DACH2: variants seen among roughly 807,000 people sequenced by gnomAD.
The protein encoded by DACH2 is dachshund homolog 2.
A neutral mutation model predicts 35.8 loss-of-function variants in DACH2; 17 were observed. The observed-to-expected ratio is 0.48, with a 90% CI of 0.33 to 0.71. DACH2 has a LOEUF of 0.71. Among genes scored for constraint, DACH2 ranks in the 30% least tolerant of loss-of-function variants. The pLI, the probability that DACH2 is intolerant of heterozygous loss-of-function variation, is 0.02. For missense variants in DACH2, 469 were observed against 472.7 expected (o/e 0.99, Z 0.07); for synonymous variants, 195 against 177.3 (o/e 1.10, Z -0.79).
chrX:86,198,726 A>C (rs927031373), intron 1 of DACH2, among the ~76,000 whole-genome samples: 1 of 111,380 alleles, frequency 9.0e-6, no homozygotes, highest in African/African-American at 3.3e-5. Context: ...AAGATATTGA[A>C]TCCTCAAATA....
intron 2 of DACH2, among the ~76,000 whole-genome samples, chrX:86,422,770 A>G (rs998710648): frequency 3.6e-5 from 4 of 110,743 alleles, no homozygotes; most frequent in African/African-American, 1.3e-4. Context: ...TTATTCATTT[A>G]TTCTATTTTT....
intron 2 of DACH2, among the ~76,000 whole-genome samples, chrX:86,428,769 G>GAA (rs1189079359): frequency 1.0e-5 from 1 of 98,518 alleles, no homozygotes; most frequent in South Asian, 4.4e-4. Context: ...TAGGTTTTTT[G>GAA]AAAAAAAAAA....
intron 3 of DACH2, among the ~76,000 whole-genome samples, chrX:86,644,140 AG>A (rs1380209612): frequency 9.0e-6 from 1 of 111,312 alleles, no homozygotes; most frequent in African/African-American, 3.3e-5. Context: ...GAAAGAAAAA[AG>A]GGCATCTGAA....
At chrX:86,558,311 C>T (rs113273797) in intron 3 of DACH2, among the ~76,000 whole-genome samples, 1 of 44,551 alleles carries the variant, frequency 2.2e-5, no homozygotes, top group Non-Finnish European at 3.6e-5. Flanking sequence ...GGTGGATAAG[C>T]TTTTTGATGT....
intron 1 of DACH2, among the ~76,000 whole-genome samples, chrX:86,288,995 T>C (rs1487129006): frequency 1.8e-5 from 2 of 110,510 alleles, no homozygotes; most frequent in African/African-American, 6.6e-5. Flanking sequence ...GTGTGTTGAG[T>C]CTCACCTGAA....
chrX:86,643,228 A>G (rs2040370032), intron 3 of DACH2, among the ~76,000 whole-genome samples: 1 of 106,920 alleles, frequency 9.4e-6, no homozygotes, highest in Non-Finnish European at 1.9e-5. Context: ...TAGACTAATT[A>G]AGAAAGAAAG....
chrX:86,568,166 A>G (rs1378567469), intron 3 of DACH2, among the ~76,000 whole-genome samples: 3 of 111,592 alleles, frequency 2.7e-5, no homozygotes, highest in Admixed American at 9.6e-5. Context: ...AGGATCACAG[A>G]GGATTTTTAA....
intron 5 of DACH2, among the ~76,000 whole-genome samples, chrX:86,703,143 A>G (rs777818413): frequency 9.0e-6 from 1 of 111,076 alleles, no homozygotes; most frequent in Non-Finnish European, 1.9e-5. Flanking sequence ...GTGATTCACC[A>G]CCTAAACATC....
chrX:86,309,158 GAGGTGGTGATTCCCACT>G (rs1195160231), intron 1 of DACH2, among the ~76,000 whole-genome samples: 1 of 112,133 alleles, frequency 8.9e-6, no homozygotes, highest in African/African-American at 3.2e-5. Context: ...GAAAGACACA[GAGGTGGTGATTCCCACT>G]ACATCCCTGT....
At chrX:86,820,707 G>C (rs865791494) in intron 11 of DACH2, among the ~76,000 whole-genome samples, 20 of 110,743 alleles carry the variant, frequency 1.8e-4, no homozygotes, top group African/African-American at 5.9e-4. Context: ...ACCTTATGGC[G>C]TAGAACATTT....
At chrX:86,565,314 T>A (rs1231531096) in intron 3 of DACH2, among the ~76,000 whole-genome samples, 1 of 111,727 alleles carries the variant, frequency 9.0e-6, no homozygotes, top group Non-Finnish European at 1.9e-5. Context: ...CTTTTCAAAT[T>A]GCTGTTTATT....
intron 2 of DACH2, among the ~76,000 whole-genome samples, chrX:86,383,636 T>C (rs935615110): frequency 4.8e-5 from 5 of 103,759 alleles, no homozygotes; most frequent in Admixed American, 4.4e-4. Flanking sequence ...TTTTCTTTTA[T>C]TATTGAAAAC....
intron 6 of DACH2, among the ~76,000 whole-genome samples, chrX:86,735,825 A>G (rs2041589108): frequency 9.0e-6 from 1 of 111,616 alleles, no homozygotes; most frequent in Admixed American, 9.5e-5. Context: ...CAATGAGTAA[A>G]AGTGATTAGA....
intron 3 of DACH2, among the ~76,000 whole-genome samples, chrX:86,553,419 G>A (rs1354686097): frequency 1.8e-5 from 2 of 111,476 alleles, no homozygotes; most frequent in African/African-American, 6.5e-5. Context: ...GCCTCCACCA[G>A]TCCACCGACT....
intron 7 of DACH2, among the ~76,000 whole-genome samples, chrX:86,800,427 TG>T (rs1370357301): frequency 8.9e-6 from 1 of 111,901 alleles, no homozygotes; most frequent in East Asian, 2.8e-4. Flanking sequence ...GTTCTAGTGC[TG>T]GCATTTACAC....
chrX:86,728,103 CT>C (rs2041491590), intron 6 of DACH2, among the ~76,000 whole-genome samples: 1 of 111,883 alleles, frequency 8.9e-6, no homozygotes, highest in African/African-American at 3.3e-5. Context: ...GAAATCTAGG[CT>C]GCTGAGATCT....
chrX:86,388,908 C>T (rs1392732586), intron 2 of DACH2, among the ~76,000 whole-genome samples: 1 of 111,446 alleles, frequency 9.0e-6, no homozygotes, highest in Non-Finnish European at 1.9e-5. Context: ...TATTCACACT[C>T]TGAAATAGCA....
intron 3 of DACH2, among the ~76,000 whole-genome samples, chrX:86,611,178 C>T (rs1332972646): frequency 1.8e-5 from 2 of 110,720 alleles, no homozygotes; most frequent in Admixed American, 1.9e-4. Flanking sequence ...AATTGGTTTC[C>T]TTTTGGCTCA....
intron 1 of DACH2, among the ~76,000 whole-genome samples, chrX:86,220,813 G>A (rs1032003965): frequency 1.1e-4 from 12 of 111,664 alleles, no homozygotes; most frequent in South Asian, 3.7e-4. Flanking sequence ...CACAGTAAAT[G>A]TACCATTTTA....
Sources: allele counts gnomAD v4.1 joint callset (sites outside exome capture counted in the v4.1 genomes callset), GRCh38; gene constraint gnomAD v4.1.1; transcripts MANE v1.5; gene names NCBI Gene and HGNC (gene_info 2026-07-23, HGNC 2026-07-21).